The following DLG2 variants were observed in gnomAD, a reference collection of about 807,000 sequenced individuals.
The protein encoded by DLG2 is discs large MAGUK scaffold protein 2.
Under a neutral mutation model 132.5 loss-of-function variants are expected in DLG2, and 45 were observed. The ratio of observed to expected loss-of-function variants is 0.34; its 90% CI spans 0.27 to 0.44. The LOEUF (loss-of-function observed/expected upper bound fraction) is 0.44, where lower values mean the gene tolerates loss of function less well. Among genes scored for constraint, DLG2 ranks in the 20% least tolerant of loss-of-function variants. The pLI is 1.00. For missense variants in DLG2, 1,045 were observed against 1,196.9 expected (o/e 0.87, Z 1.87); for synonymous variants, 424 against 419.6 (o/e 1.01, Z -0.13).
At chr11:84,813,744 T>A (rs1319104967) in intron 6 of DLG2, among the ~76,000 whole-genome samples, 1 of 152,062 alleles carries the variant, frequency 6.6e-6, no homozygotes, top group Non-Finnish European at 1.5e-5. Context: ...CTGGATTCTT[T>A]ACACATTACG....
At chr11:84,672,983 G>T (rs970210311) in intron 6 of DLG2, among the ~76,000 whole-genome samples, 1 of 151,984 alleles carries the variant, frequency 6.6e-6, no homozygotes, top group Non-Finnish European at 1.5e-5. Context: ...GGTGTGTTGG[G>T]GGGTAGGTGC....
rs1035132570 is a variant in DLG2, at chr11:85,241,724, G to A, written c.186+43496C>T. Among the ~76,000 whole-genome samples the A allele has an allele frequency of 3.9e-5, 6 of 151,960 alleles. No homozygotes were observed. In the East Asian group the frequency reaches 9.7e-4, roughly 24 times the overall value. Reference sequence around the variant, plus strand: ...ATGGCAGCAATCAAGTGGCACAAGTGAATTAGAGAGAGATCTGGGACATCC... The same window carrying A: ...ATGGCAGCAATCAAGTGGCACAAGTAAATTAGAGAGAGATCTGGGACATCC... On this transcript the variant is annotated intron_variant, in intron 4 of 27. Transcript: ENST00000376104.
chr11:85,431,686 C>T (rs1377962519), intron 3 of DLG2, among the ~76,000 whole-genome samples: 2 of 152,200 alleles, frequency 1.3e-5, no homozygotes, highest in East Asian at 1.9e-4. Flanking sequence ...GAGCTCCTAG[C>T]GGGAGTGGTG....
chr11:85,084,943 T>C (rs1397016080), intron 6 of DLG2, among the ~76,000 whole-genome samples: 1 of 152,158 alleles, frequency 6.6e-6, no homozygotes, highest in Non-Finnish European at 1.5e-5. Flanking sequence ...GCTATGCAAA[T>C]ATAGCTTGAG....
At chr11:84,506,440 GGATGCTATGCTTCGGAGAGAAATTTAAA>G (rs1455852288) in intron 7 of DLG2, among the ~76,000 whole-genome samples, 53 of 152,228 alleles carry the variant, frequency 3.5e-4, no homozygotes, top group South Asian at 6.2e-4. Flanking sequence ...AGAAATTTAA[GGATGCTATGCTTCGGAGAGAAATTTAAA>G]GATGCTATGC....
chr11:84,879,912 A>G (rs2087015052), intron 6 of DLG2, among the ~76,000 whole-genome samples: 1 of 152,166 alleles, frequency 6.6e-6, no homozygotes, highest in African/African-American at 2.4e-5. Flanking sequence ...AACGCAGCCT[A>G]GCATAATTTA....
chr11:84,989,933 A>G (rs1448874273), intron 6 of DLG2, among the ~76,000 whole-genome samples: 1 of 152,238 alleles, frequency 6.6e-6, no homozygotes, highest in East Asian at 1.9e-4. Flanking sequence ...GCAATTGGAC[A>G]TCTAAACCTA....
rs962380618 is a variant in DLG2, at chr11:85,150,010, A to ATT, written c.282+4544_282+4545dup. On this transcript the variant is annotated intron_variant, in intron 5 of 27. Transcript: ENST00000376104. The stretch of plus-strand genomic sequence containing the variant: ...ATTAACTCAAAAACATCAGTTTTTA[A>ATT]TTTTTTTTTTTTTTTTTTTTTTTTT... Among the ~76,000 whole-genome samples, 573 of 112,324 alleles carry ATT rather than the reference A, an allele frequency of 5.1e-3. 18 individuals are homozygous for ATT. The highest frequency in any genetic ancestry group is 8.3e-3 in the African/African-American group (217 of 26,106). 73.7% of individuals were successfully genotyped at this position (112,324 alleles called of 152,430 possible). A position where few individuals can be genotyped will look rare whatever the true frequency, so the allele number is the denominator to read the frequency against.
intron 6 of DLG2, among the ~76,000 whole-genome samples, chr11:84,595,551 A>G (rs2099554616): frequency 6.6e-6 from 1 of 152,054 alleles, no homozygotes; most frequent in South Asian, 2.1e-4. Context: ...ACCTTGTATG[A>G]GATCCAGTGG....
At chr11:84,166,028 G>A (rs1162126931) in intron 8 of DLG2, among the ~76,000 whole-genome samples, 1 of 152,156 alleles carries the variant, frequency 6.6e-6, no homozygotes, top group East Asian at 1.9e-4. Context: ...TTTACATGAG[G>A]AGCATTTAGA....
intron 4 of DLG2, among the ~76,000 whole-genome samples, chr11:85,233,628 G>T (rs1595579992): frequency 6.6e-6 from 1 of 151,744 alleles, no homozygotes; most frequent in Middle Eastern, 3.2e-3. Context: ...CAAGATAATG[G>T]GAAGGAGGGC....
At chr11:83,999,878 A>G (rs565744729) in intron 11 of DLG2, among the ~76,000 whole-genome samples, 1 of 152,242 alleles carries the variant, frequency 6.6e-6, no homozygotes, top group South Asian at 2.1e-4. Context: ...GTAATCCCCT[A>G]CAAAAGCAAA....
chr11:84,797,591 CTGT>C (rs1358297869), intron 6 of DLG2, among the ~76,000 whole-genome samples: 6 of 152,136 alleles, frequency 3.9e-5, no homozygotes, highest in African/African-American at 1.4e-4. Flanking sequence ...TATTCAGTCT[CTGT>C]TAAGTTTGTC....
intron 3 of DLG2, among the ~76,000 whole-genome samples, chr11:85,479,299 C>T (rs1471179364): frequency 6.6e-6 from 1 of 152,146 alleles, no homozygotes; most frequent in Non-Finnish European, 1.5e-5. Context: ...CCGCTTACTT[C>T]TTAGAAGACA....
chr11:85,195,414 G>A (rs2080954127), intron 4 of DLG2, among the ~76,000 whole-genome samples: 1 of 152,038 alleles, frequency 6.6e-6, no homozygotes. Flanking sequence ...TCAAAGGTCT[G>A]AGGAGAAGAA....
chr11:84,979,329 G>A (rs544701459), intron 6 of DLG2, among the ~76,000 whole-genome samples: 2 of 152,126 alleles, frequency 1.3e-5, no homozygotes, highest in East Asian at 1.9e-4. Flanking sequence ...AGGATTATAA[G>A]TCATGCTGCT....
At chr11:85,148,343 C>T (rs969831966) in intron 5 of DLG2, among the ~76,000 whole-genome samples, 1 of 152,118 alleles carries the variant, frequency 6.6e-6, no homozygotes, top group Non-Finnish European at 1.5e-5. Context: ...TCTTCCACAA[C>T]AGTTGAACTA....
intron 7 of DLG2, among the ~76,000 whole-genome samples, chr11:84,398,858 C>T (rs976838982): frequency 6.6e-6 from 1 of 152,088 alleles, no homozygotes; most frequent in African/African-American, 2.4e-5. Flanking sequence ...TATTCTATAC[C>T]CGGAATTACT....
intron 3 of DLG2, among the ~76,000 whole-genome samples, chr11:85,429,032 A>G (rs1399435981): frequency 6.6e-6 from 1 of 152,216 alleles, no homozygotes; most frequent in East Asian, 1.9e-4. Context: ...ATCTAGAAGA[A>G]ATGGCTAAAT....
Sources: allele counts gnomAD v4.1 joint callset (sites outside exome capture counted in the v4.1 genomes callset), GRCh38; gene constraint gnomAD v4.1.1; transcripts MANE v1.5; gene names NCBI Gene and HGNC (gene_info 2026-07-23, HGNC 2026-07-21).